Variants in CCDC170 observed in about 807,000 individuals in gnomAD.
CCDC170 encodes the protein coiled-coil domain containing 170, also known as coiled-coil domain-containing protein 170.
CCDC170 carries 69 observed loss-of-function variants against 72.6 expected under a neutral mutation model. The observed-to-expected ratio is 0.95, with a 90% confidence interval of 0.78 to 1.16. The LOEUF is 1.16. Ranked by LOEUF, CCDC170 falls within the 50% of genes most tolerant of loss-of-function variation. The probability of loss-of-function intolerance (pLI) is 0.00; values close to 1 mark genes in which losing one functional copy is unlikely to be tolerated. For missense variants in CCDC170, 852 were observed against 832.5 expected (o/e 1.02, Z -0.29); for synonymous variants, 300 against 303.9 (o/e 0.99, Z 0.13).
intron 2 of CCDC170, among the ~76,000 whole-genome samples, chr6:151,536,793 A>AAAAAAG (rs1562274877): frequency 1.1e-4 from 15 of 138,490 alleles, no homozygotes; most frequent in Non-Finnish European, 1.8e-4. Flanking sequence ...AAAAAAAAAA[A>AAAAAAG]AAAAAGAAAA....
In CCDC170 at chr6:151,585,871, C is replaced by T; in HGVS notation, c.1093-18C>T. On this transcript the variant is annotated intron_variant, in intron 6 of 10. Coordinates refer to ENST00000239374, the MANE Select transcript of CCDC170 (RefSeq NM_025059.4). The stretch of plus-strand genomic sequence containing the variant: ...ATCTGAAACAAGGCTTATTCTTGAT[C>T]TGTTTCTTTGTTTCCAGATGGTCTC... 3 of 1,609,892 alleles carry T rather than the reference C, an allele frequency of 1.9e-6. No individual in the cohort carries two copies. In the East Asian group the frequency reaches 6.7e-5, roughly 36 times the overall value.
chr6:151,596,076 T>C (rs1172909072), intron 8 of CCDC170, among the ~76,000 whole-genome samples: 1 of 152,200 alleles, frequency 6.6e-6, no homozygotes, highest in East Asian at 1.9e-4. Flanking sequence ...GCACATAATG[T>C]TAGAGAGCAT....
At position 151,544,060 on chromosome 6, in the gene CCDC170, A is replaced by G. The variant is rs1313203822; in HGVS notation, c.444-512A>G. Among the ~76,000 whole-genome samples the G allele has an allele frequency of 2.6e-5, 4 of 152,230 alleles. No homozygotes were observed. The East Asian group carries it at 5.8e-4, about 22-fold the overall frequency. ...AACACATCTCCTTTCCAGAGGCAAG[A>G]ACCTTCTGTGCTTTTGATGTATTTG... On this transcript the variant is annotated intron_variant, in intron 3 of 10. Coordinates refer to ENST00000239374, the MANE Select transcript of CCDC170 (RefSeq NM_025059.4).
chr6:151,501,176 G>A (rs139727358), intron 1 of CCDC170, among the ~76,000 whole-genome samples: 193 of 152,144 alleles, frequency 1.3e-3, no homozygotes, highest in Non-Finnish European at 2.3e-3. Context: ...ATCTAATTAT[G>A]AGCAAACGTT....
intron 1 of CCDC170, among the ~76,000 whole-genome samples, chr6:151,509,216 ATC>A (rs1782109950): frequency 7.2e-5 from 8 of 110,822 alleles, no homozygotes; most frequent in Admixed American, 3.4e-4. Context: ...TCATCTATCT[ATC>A]TATGTATCTA....
chr6:151,494,304 C>A, intron 1 of CCDC170, 119 bp downstream of exon 1: 2 of 1,078,130 alleles, frequency 1.9e-6, no homozygotes, highest in Non-Finnish European at 2.5e-6. Context: ...AGAATCAGAG[C>A]AGCTCTGTGC....
chr6:151,590,350 T>C (rs1461844783), intron 7 of CCDC170, among the ~76,000 whole-genome samples: 3 of 152,034 alleles, frequency 2.0e-5, no homozygotes, highest in African/African-American at 7.3e-5. Flanking sequence ...TTCAGGTGGA[T>C]TGGTATTTCT....
intron 6 of CCDC170, among the ~76,000 whole-genome samples, chr6:151,583,751 C>T (rs1366164183): frequency 6.6e-6 from 1 of 152,216 alleles, no homozygotes; most frequent in Non-Finnish European, 1.5e-5. Flanking sequence ...AGCCACTATG[C>T]CCAGCCTGAC....
intron 1 of CCDC170, among the ~76,000 whole-genome samples, chr6:151,502,697 C>A (rs1311034465): frequency 6.6e-6 from 1 of 152,130 alleles, no homozygotes; most frequent in Non-Finnish European, 1.5e-5. Context: ...AAATGGGAAC[C>A]ATAAATATTC....
intron 1 of CCDC170, among the ~76,000 whole-genome samples, chr6:151,500,019 C>CAT (rs139327087): frequency 0.017 from 2,527 of 152,218 alleles, 58 homozygotes; most frequent in African/African-American, 0.058. Context: ...GAAGAACTGC[C>CAT]ACTGTTTCCG....
chr6:151,541,887 T>TATA (rs973454951), intron 3 of CCDC170, among the ~76,000 whole-genome samples: 47 of 59,264 alleles, frequency 7.9e-4, no homozygotes, highest in African/African-American at 2.5e-3. Context: ...TATATATATA[T>TATA]TTTTTTTTTT....
chr6:151,530,502 C>T (rs1177442170), intron 1 of CCDC170, among the ~76,000 whole-genome samples: 19 of 151,384 alleles, frequency 1.3e-4, no homozygotes, highest in Admixed American at 8.5e-4. Flanking sequence ...AGTGCAGTGG[C>T]GTGATCTTGG....
intron 1 of CCDC170, among the ~76,000 whole-genome samples, chr6:151,520,366 G>A (rs1003430290): frequency 9.8e-5 from 15 of 152,312 alleles, no homozygotes; most frequent in African/African-American, 3.4e-4. Flanking sequence ...TAATGAAACC[G>A]CCTTTGCGAA....
intron 6 of CCDC170, among the ~76,000 whole-genome samples, chr6:151,582,884 A>T (rs917840349): frequency 3.3e-5 from 5 of 151,714 alleles, no homozygotes; most frequent in Non-Finnish European, 7.4e-5. Flanking sequence ...TGAACCAAAC[A>T]TCTCCCACTA....
chr6:151,617,354 A>C (rs1776984075), intron 10 of CCDC170, among the ~76,000 whole-genome samples: 1 of 146,652 alleles, frequency 6.8e-6, no homozygotes, highest in Non-Finnish European at 1.5e-5. Flanking sequence ...ATGACTTGAT[A>C]GTAATTTAGA....
At chr6:151,551,859 A>G (rs1015762125) in intron 5 of CCDC170, among the ~76,000 whole-genome samples, 1 of 152,140 alleles carries the variant, frequency 6.6e-6, no homozygotes, top group African/African-American at 2.4e-5. Flanking sequence ...TGAGATAATC[A>G]GTGTTTGTTG....
intron 5 of CCDC170, among the ~76,000 whole-genome samples, chr6:151,561,809 C>A (rs1025406220): frequency 6.6e-6 from 1 of 151,996 alleles, no homozygotes; most frequent in Admixed American, 6.6e-5. Context: ...ATCTGTTTTC[C>A]AAATTGTATA....
intron 7 of CCDC170, among the ~76,000 whole-genome samples, chr6:151,588,090 G>A (rs750333121): frequency 6.6e-6 from 1 of 152,276 alleles, no homozygotes; most frequent in South Asian, 2.1e-4. Context: ...AGGAATGATC[G>A]AGATGGGTCA....
chr6:151,573,565 A>C, intron 6 of CCDC170, 74 bp downstream of exon 6: 1 of 1,367,216 alleles, frequency 7.3e-7, no homozygotes, highest in Non-Finnish European at 1.0e-6. Context: ...CAGTGACTGT[A>C]TTAGTCTATT....
Sources: gnomAD v4.1 joint callset for allele counts (sites outside exome capture counted in the v4.1 genomes callset) on GRCh38, gnomAD v4.1.1 for gene constraint, MANE v1.5 for transcripts, NCBI Gene and HGNC (gene_info 2026-07-23, HGNC 2026-07-21) for gene names.